Variants in SAMMSON observed in about 807,000 individuals in gnomAD.
SAMMSON encodes long intergenic non-protein coding RNA 1212.
intron 4 of SAMMSON, among the ~76,000 whole-genome samples, chr3:70,104,981 A>G (rs2067361948): frequency 1.3e-5 from 2 of 152,100 alleles, no homozygotes; most frequent in South Asian, 4.1e-4. Context: ...ATTTGGGGGG[A>G]AAGCAGTAAA....
chr3:70,216,685 A>G (rs1701415225), intron 4 of SAMMSON, among the ~76,000 whole-genome samples: 1 of 152,152 alleles, frequency 6.6e-6, no homozygotes, highest in Non-Finnish European at 1.5e-5. Flanking sequence ...AAGCTTATTG[A>G]AAAACATACT....
chr3:70,056,498 A>T (rs1325997985), intron 3 of SAMMSON, among the ~76,000 whole-genome samples: 3 of 151,600 alleles, frequency 2.0e-5, no homozygotes, highest in Non-Finnish European at 2.9e-5. Context: ...TTTAGAAACA[A>T]CCTGTCCCCT....
At chr3:70,431,084 A>C (rs1701409230) in intron 2 of SAMMSON, among the ~76,000 whole-genome samples, 1 of 152,116 alleles carries the variant, frequency 6.6e-6, no homozygotes, top group Non-Finnish European at 1.5e-5. Context: ...ATTTGATGGA[A>C]GGAGTAGAAA....
chr3:70,324,833 G>T (rs1418858159), intron 7 of SAMMSON, among the ~76,000 whole-genome samples: 1 of 151,686 alleles, frequency 6.6e-6, no homozygotes, highest in African/African-American at 2.4e-5. Context: ...TATATAAACA[G>T]GTGATAGAGG....
At chr3:70,254,401 T>C (rs1701796077) in intron 6 of SAMMSON, among the ~76,000 whole-genome samples, 1 of 152,200 alleles carries the variant, frequency 6.6e-6, no homozygotes, top group South Asian at 2.1e-4. Context: ...TACATTATTA[T>C]AAACAGATGT....
At chr3:70,150,809 T>A (rs986624954) in intron 4 of SAMMSON, among the ~76,000 whole-genome samples, 3 of 152,112 alleles carry the variant, frequency 2.0e-5, no homozygotes, top group East Asian at 1.9e-4. Context: ...CATTTAACAA[T>A]GGAGCCTGGG....
At chr3:70,224,822 T>C (rs183397109) in intron 4 of SAMMSON, among the ~76,000 whole-genome samples, 4 of 152,168 alleles carry the variant, frequency 2.6e-5, no homozygotes, top group East Asian at 1.9e-4. Context: ...ATTTTTGCAG[T>C]TTCCCCCCCC....
chr3:70,169,514 T>C (rs1209866016), intron 4 of SAMMSON, among the ~76,000 whole-genome samples: 1 of 152,048 alleles, frequency 6.6e-6, no homozygotes, highest in African/African-American at 2.4e-5. Flanking sequence ...TATTTACACA[T>C]GATTTTTATT....
At position 70,371,212 on chromosome 3, in the gene SAMMSON, T is replaced by C. The variant is rs148878488; in HGVS notation, n.913+12888T>C. On this transcript the variant is annotated intron_variant and non_coding_transcript_variant, in intron 9 of 9. Transcript: ENST00000642114. ...ACCAATACCATGCTGTTTGGACTGC[T>C]ACAGACTTGTAATATATCTTGAACT... is the stretch of plus-strand genomic sequence containing the variant. Among the ~76,000 whole-genome samples, 206 of 152,274 alleles carry C rather than the reference T, an allele frequency of 1.4e-3. 1 individual carries two copies. Among genetic ancestry groups the C allele is most frequent in the African/African-American group, 4.9e-3 (203 of 41,570 alleles).
In SAMMSON at chr3:70,178,618, A is replaced by G. The variant is rs377649750; in HGVS notation, n.508-70489A>G. Among the ~76,000 whole-genome samples, 39 of 152,328 alleles carry G rather than the reference A, an allele frequency of 2.6e-4. No individual in the cohort carries two copies. In the East Asian group the frequency reaches 7.2e-3, roughly 28 times the overall value. On this transcript the variant is annotated intron_variant and non_coding_transcript_variant, in intron 4 of 9. Coordinates refer to ENST00000642114, the Ensembl canonical transcript of SAMMSON. ...GGGAGTTTCCAGTCCTGCAAATACC[A>G]CTGCGGAGGCATTTAGAAGCTTTTC...
intron 4 of SAMMSON, among the ~76,000 whole-genome samples, chr3:70,142,222 C>T (rs1440462298): frequency 1.3e-5 from 2 of 152,154 alleles, no homozygotes; most frequent in Non-Finnish European, 1.5e-5. Flanking sequence ...GAAAAAGATA[C>T]TTGCATATGC....
At chr3:70,132,302 A>G (rs768107855) in intron 4 of SAMMSON, among the ~76,000 whole-genome samples, 1 of 152,196 alleles carries the variant, frequency 6.6e-6, no homozygotes, top group Non-Finnish European at 1.5e-5. Flanking sequence ...GGCTATGCAC[A>G]GAGGGCCTTT....
intron 9 of SAMMSON, among the ~76,000 whole-genome samples, chr3:70,372,390 C>A (rs749604902): frequency 1.3e-5 from 2 of 152,168 alleles, no homozygotes; most frequent in East Asian, 3.9e-4. Context: ...TGGCTCATTG[C>A]AACCTCCATC....
chr3:70,347,054 A>C (rs1702757153), intron 7 of SAMMSON, among the ~76,000 whole-genome samples: 1 of 152,174 alleles, frequency 6.6e-6, no homozygotes, highest in African/African-American at 2.4e-5. Flanking sequence ...CCAACACATG[A>C]ATTGGGTCAT....
Position 70,383,958 on chromosome 3 carries a change from G to A in SAMMSON, n.914-5616G>A, listed in dbSNP as rs1483688646. ...TACCTGTCAATTTTTATTAAGCAAA[G>A]TAACTTGAGGCATTTTGAATTTTTT... On this transcript the variant is annotated intron_variant and non_coding_transcript_variant, in intron 9 of 9. Coordinates refer to ENST00000642114, the Ensembl canonical transcript of SAMMSON. Among the ~76,000 whole-genome samples the A allele has an allele frequency of 2.0e-5, 3 of 151,928 alleles. No homozygotes were observed. The South Asian group carries it at 6.2e-4, about 31-fold the overall frequency.
chr3:70,035,769 A>G (rs1035742295), intron 3 of SAMMSON, among the ~76,000 whole-genome samples: 1 of 152,150 alleles, frequency 6.6e-6, no homozygotes, highest in Non-Finnish European at 1.5e-5. Flanking sequence ...TCATTTTCAA[A>G]CTAATTGTTT....
chr3:70,342,867 T>G (rs1289563268), intron 7 of SAMMSON, among the ~76,000 whole-genome samples: 1 of 152,184 alleles, frequency 6.6e-6, no homozygotes, highest in East Asian at 1.9e-4. Flanking sequence ...GTTTGCATAT[T>G]GTGGCAGTTA....
intron 4 of SAMMSON, among the ~76,000 whole-genome samples, chr3:70,240,303 A>AG (rs1182905480): frequency 6.6e-6 from 1 of 151,938 alleles, no homozygotes; most frequent in African/African-American, 2.4e-5. Flanking sequence ...AAAAAACAGT[A>AG]GCTAAGCCAG....
chr3:70,130,236 G>C (rs940103669), intron 4 of SAMMSON, among the ~76,000 whole-genome samples: 13 of 152,216 alleles, frequency 8.5e-5, no homozygotes, highest in African/African-American at 2.7e-4. Context: ...GCAGCTGTAA[G>C]TCAAAGAATT....
Sources: allele counts gnomAD v4.1 joint callset (sites outside exome capture counted in the v4.1 genomes callset), GRCh38; gene constraint gnomAD v4.1.1; transcripts MANE v1.5; gene names NCBI Gene and HGNC (gene_info 2026-07-23, HGNC 2026-07-21).